The following SIL1 variants were observed in gnomAD, a reference collection of about 807,000 sequenced individuals.
The protein encoded by SIL1 is nucleotide exchange factor SIL1.
In SIL1, 40 loss-of-function variants were observed where a neutral mutation model predicts 49.1. That is an observed-to-expected ratio of 0.81 (90% CI 0.63 to 1.06). The LOEUF is 1.06. Ranked by LOEUF, SIL1 falls within the 50% of genes least tolerant of loss-of-function variation. The probability of loss-of-function intolerance (pLI) is 0.00; values close to 1 mark genes in which losing one functional copy is unlikely to be tolerated. For missense variants in SIL1, 500 were observed against 572.6 expected, an observed-to-expected ratio of 0.87 and a Z score of 1.29; for synonymous variants, 253 against 250.8, an observed-to-expected ratio of 1.01 and a Z score of -0.08.
intron 3 of SIL1, among the ~76,000 whole-genome samples, chr5:139,095,972 T>G (rs1770453515): frequency 6.6e-6 from 1 of 152,210 alleles, no homozygotes; most frequent in Admixed American, 6.5e-5. Flanking sequence ...GAAAAGCACC[T>G]TCATGAAAAC....
chr5:138,967,292 G>A (rs76852949), intron 7 of SIL1, among the ~76,000 whole-genome samples: 1,669 of 152,282 alleles, frequency 0.011, 39 homozygotes, highest in African/African-American at 0.038. Context: ...CCAGACTCAC[G>A]AAATCAGAAC....
chr5:139,193,927 T>C (rs1226474894), intron 1 of SIL1, among the ~76,000 whole-genome samples: 4 of 152,238 alleles, frequency 2.6e-5, no homozygotes, highest in African/African-American at 7.2e-5. Flanking sequence ...CACAGCACTT[T>C]AGCAGCATTC....
At chr5:139,192,850 A>C (rs555592527) in intron 1 of SIL1, among the ~76,000 whole-genome samples, 7 of 151,900 alleles carry the variant, frequency 4.6e-5, no homozygotes, top group Middle Eastern at 6.9e-3. Context: ...AAAAAAAATT[A>C]GCCAGATGTG....
chr5:139,020,050 C>T (rs1206252216), intron 7 of SIL1, among the ~76,000 whole-genome samples: 1 of 152,190 alleles, frequency 6.6e-6, no homozygotes, highest in African/African-American at 2.4e-5. Flanking sequence ...TTTCCCTGGG[C>T]TTCCTGGGAG....
At chr5:139,115,596 A>G (rs6875102) in intron 3 of SIL1, among the ~76,000 whole-genome samples, 14,794 of 152,232 alleles carry the variant, frequency 0.097, 1,382 homozygotes, top group African/African-American at 0.25. Flanking sequence ...CTGAAACAAC[A>G]GGATTCAGAG....
intron 7 of SIL1, 83 bp downstream of exon 7, chr5:139,021,088 A>G: frequency 6.4e-7 from 1 of 1,574,770 alleles, no homozygotes; most frequent in South Asian, 1.1e-5. Flanking sequence ...GTCAGTAGCA[A>G]CAGGCACATT....
chr5:139,140,447 A>G (rs1751058244), intron 1 of SIL1, among the ~76,000 whole-genome samples: 1 of 152,238 alleles, frequency 6.6e-6, no homozygotes, highest in Non-Finnish European at 1.5e-5. Flanking sequence ...GTTGGTATCA[A>G]CTATGTCTTC....
At chr5:139,127,639 CAT>C (rs1750779722) in intron 2 of SIL1, 98 bp downstream of exon 2, 1 of 927,276 alleles carries the variant, frequency 1.1e-6, no homozygotes, top group Admixed American at 2.0e-5. Context: ...AAGAAAGAAA[CAT>C]AGAAGCCCAC....
intron 3 of SIL1, among the ~76,000 whole-genome samples, chr5:139,093,657 G>A (rs1363289151): frequency 6.6e-6 from 1 of 152,192 alleles, no homozygotes; most frequent in African/African-American, 2.4e-5. Context: ...CACACTGTGT[G>A]AGGTAAATTT....
chr5:139,139,085 G>C (rs1751031719), intron 1 of SIL1, among the ~76,000 whole-genome samples: 1 of 152,228 alleles, frequency 6.6e-6, no homozygotes, highest in Non-Finnish European at 1.5e-5. Context: ...GAGTCAGGGA[G>C]AGTAGGAACA....
chr5:139,012,749 C>T (rs1052458717), intron 7 of SIL1: 1 of 152,216 alleles, frequency 6.6e-6, no homozygotes. Flanking sequence ...GGGAGAATCA[C>T]TCAAGCCCAG....
chr5:139,023,361 G>A (rs1166572938), intron 6 of SIL1, among the ~76,000 whole-genome samples: 1 of 152,098 alleles, frequency 6.6e-6, no homozygotes, highest in East Asian at 1.9e-4. Flanking sequence ...AGAGGAGGAG[G>A]GAGTGCAGGA....
intron 7 of SIL1, among the ~76,000 whole-genome samples, chr5:138,969,511 CAAT>C (rs1393018908): frequency 6.6e-6 from 1 of 152,220 alleles, no homozygotes; most frequent in African/African-American, 2.4e-5. Flanking sequence ...TCTCCTCCTG[CAAT>C]AATACTCCAC....
At chr5:139,137,424 G>A (rs1235081190) in intron 1 of SIL1, 8 of 685,588 alleles carry the variant, frequency 1.2e-5, no homozygotes, top group Admixed American at 2.1e-5. Context: ...GCTGTCTCTC[G>A]AGGGGTCTGT....
intron 7 of SIL1, among the ~76,000 whole-genome samples, chr5:138,957,299 G>GGT (rs1246813274): frequency 6.6e-6 from 1 of 151,836 alleles, no homozygotes; most frequent in East Asian, 1.9e-4. Flanking sequence ...GGCCAGGTGT[G>GGT]GTGGCTCATG....
intron 1 of SIL1, among the ~76,000 whole-genome samples, chr5:139,130,401 G>C (rs1236833075): frequency 6.6e-6 from 1 of 152,108 alleles, no homozygotes; most frequent in Admixed American, 6.5e-5. Context: ...AACCATGAGG[G>C]AAATGCAAAT....
chr5:138,970,406 T>C (rs1240565745), intron 7 of SIL1, among the ~76,000 whole-genome samples: 11 of 152,220 alleles, frequency 7.2e-5, no homozygotes, highest in Admixed American at 5.9e-4. Flanking sequence ...AACAGATCAG[T>C]TGGAAGTTGT....
intron 4 of SIL1, among the ~76,000 whole-genome samples, chr5:139,048,177 G>T (rs1769207721): frequency 1.3e-5 from 2 of 151,664 alleles, no homozygotes; most frequent in Admixed American, 6.6e-5. Flanking sequence ...TTCAGATAGG[G>T]TCTCACTGTG....
chr5:138,957,877 A>G (rs1766935128), intron 7 of SIL1, among the ~76,000 whole-genome samples: 1 of 152,124 alleles, frequency 6.6e-6, no homozygotes, highest in African/African-American at 2.4e-5. Flanking sequence ...AGCTGTCCCA[A>G]TAATAGTCCT....
Sources: gnomAD v4.1 joint callset for allele counts (sites outside exome capture counted in the v4.1 genomes callset) on GRCh38, gnomAD v4.1.1 for gene constraint, MANE v1.5 for transcripts, NCBI Gene and HGNC (gene_info 2026-07-23, HGNC 2026-07-21) for gene names.